SPAG16: variants seen among roughly 807,000 people sequenced by gnomAD.
The protein encoded by SPAG16 is sperm associated antigen 16, also known as sperm-associated antigen 16 protein.
In SPAG16, 86 loss-of-function variants were observed where a neutral mutation model predicts 80.4. The observed-to-expected ratio is 1.07, with a 90% CI of 0.90 to 1.28. SPAG16 has a LOEUF of 1.28. Ranked by LOEUF, SPAG16 falls within the 50% of genes most tolerant of loss-of-function variation. The pLI is 0.00. For synonymous variants in SPAG16, 294 were observed against 265.9 expected, an observed-to-expected ratio of 1.11 and a Z score of -1.03; for missense variants, 870 against 765.3, an observed-to-expected ratio of 1.14 and a Z score of -1.61.
chr2:213,976,109 GATAT>G (rs1553685173), intron 12 of SPAG16, among the ~76,000 whole-genome samples: 2,065 of 121,496 alleles, frequency 0.017, 87 homozygotes, highest in African/African-American at 0.065. Context: ...CAGTGAGGGA[GATAT>G]ATATATATAT....
At chr2:214,370,224 A>T (rs1007561425) in intron 15 of SPAG16, among the ~76,000 whole-genome samples, 1 of 152,102 alleles carries the variant, frequency 6.6e-6, no homozygotes, top group African/African-American at 2.4e-5. Flanking sequence ...TATTAAACTG[A>T]CATTATGTAA....
At chr2:214,109,685 A>T (rs1250253620) in intron 14 of SPAG16, among the ~76,000 whole-genome samples, 3 of 152,220 alleles carry the variant, frequency 2.0e-5, no homozygotes, top group African/African-American at 7.2e-5. Flanking sequence ...AACCAAAATT[A>T]CATTTTAATA....
At chr2:213,852,342 T>C (rs1018260918) in intron 10 of SPAG16, among the ~76,000 whole-genome samples, 2 of 152,240 alleles carry the variant, frequency 1.3e-5, no homozygotes, top group African/African-American at 4.8e-5. Flanking sequence ...GATATCTTTT[T>C]AAAATATATT....
At chr2:213,423,593 T>G (rs2069731082) in intron 9 of SPAG16, among the ~76,000 whole-genome samples, 1 of 152,192 alleles carries the variant, frequency 6.6e-6, no homozygotes, top group Non-Finnish European at 1.5e-5. Context: ...TCTTACTGTT[T>G]CAGACAATTC....
chr2:214,245,588 G>A (rs556180106), intron 15 of SPAG16, among the ~76,000 whole-genome samples: 43 of 152,136 alleles, frequency 2.8e-4, no homozygotes, highest in Non-Finnish European at 1.3e-4. Context: ...AAACTATTTT[G>A]TATTTTAAAA....
chr2:213,962,076 G>A (rs1249434410), intron 12 of SPAG16, among the ~76,000 whole-genome samples: 1 of 151,996 alleles, frequency 6.6e-6, no homozygotes, highest in African/African-American at 2.4e-5. Context: ...TCCCCTCAAA[G>A]TTCATGTGTT....
In SPAG16 at chr2:213,766,750, G is replaced by A. The variant is rs150091939; in HGVS notation, c.1071-95735G>A. Among the ~76,000 whole-genome samples the A allele has an allele frequency of 3.3e-4, 51 of 152,276 alleles. 1 individual carries two copies. In the East Asian group the frequency reaches 8.1e-3, roughly 24 times the overall value. On this transcript the variant is annotated intron_variant, in intron 10 of 15. Coordinates refer to ENST00000331683, the MANE Select transcript of SPAG16 (RefSeq NM_024532.5). ...AGTCAGAGTGGTGAAAAGTGTCTTC[G>A]AGATGTGCCACACTTCACAGTGAGG... is the stretch of plus-strand genomic sequence containing the variant.
intron 10 of SPAG16, among the ~76,000 whole-genome samples, chr2:213,646,805 C>T (rs980051090): frequency 9.9e-5 from 15 of 152,272 alleles, no homozygotes; most frequent in African/African-American, 3.4e-4. Flanking sequence ...ACAGCAGGTT[C>T]ACAGCAGCTC....
At chr2:213,725,070 C>G (rs538420543) in intron 10 of SPAG16, among the ~76,000 whole-genome samples, 42 of 151,760 alleles carry the variant, frequency 2.8e-4, no homozygotes, top group African/African-American at 9.9e-4. Flanking sequence ...CTGGCTCTGT[C>G]GCCCAGGCTG....
chr2:213,701,173 G>C (rs536505402), intron 10 of SPAG16, among the ~76,000 whole-genome samples: 1 of 152,288 alleles, frequency 6.6e-6, no homozygotes, highest in East Asian at 1.9e-4. Context: ...CCAAGAGGCA[G>C]AGGCTGCAGT....
chr2:213,361,364 A>G (rs867566857), intron 7 of SPAG16, among the ~76,000 whole-genome samples: 4 of 148,782 alleles, frequency 2.7e-5, no homozygotes, highest in Non-Finnish European at 4.5e-5. Context: ...ATATGTATGT[A>G]TGTGTGTGTG....
At chr2:213,971,992 G>A (rs1363393804) in intron 12 of SPAG16, among the ~76,000 whole-genome samples, 2 of 151,278 alleles carry the variant, frequency 1.3e-5, no homozygotes, top group Non-Finnish European at 2.9e-5. Flanking sequence ...TATTTATGGG[G>A]CATATAAGAT....
At chr2:213,976,300 A>G (rs1003086436) in intron 12 of SPAG16, among the ~76,000 whole-genome samples, 3 of 151,170 alleles carry the variant, frequency 2.0e-5, no homozygotes, top group African/African-American at 4.9e-5. Flanking sequence ...ACATATGCAT[A>G]CACATGTGTG....
intron 15 of SPAG16, among the ~76,000 whole-genome samples, chr2:214,202,710 G>C (rs2058043202): frequency 6.6e-6 from 1 of 152,256 alleles, no homozygotes; most frequent in South Asian, 2.1e-4. Flanking sequence ...AGTTGGGTTT[G>C]AGCTAATCTG....
Position 213,297,330 on chromosome 2 carries a change from AG to A in SPAG16, c.253del (p.Glu85AsnfsTer24). ...DLAKAIQMAQ[E>X]QATDTEILER... ...TGGCAAAAGCAATTCAGATGGCCCA[AG>A]AACAGGCTACAGATACTGAAATTTT... On this transcript the variant is annotated frameshift_variant, in exon 3 of 16. Transcript: ENST00000331683. LOFTEE classifies it high-confidence loss of function. 1 of 1,612,454 alleles carries A rather than the reference AG, an allele frequency of 6.2e-7. No homozygotes were observed. The highest frequency in any genetic ancestry group is 8.5e-7 in the Non-Finnish European group (1 of 1,178,912).
chr2:213,372,385 A>G (rs571003695), intron 8 of SPAG16, among the ~76,000 whole-genome samples: 1 of 152,254 alleles, frequency 6.6e-6, no homozygotes, highest in African/African-American at 2.4e-5. Context: ...TCAGAGCTTT[A>G]AAGAGGAAAT....
At chr2:214,350,812 C>A (rs1698350922) in intron 15 of SPAG16, among the ~76,000 whole-genome samples, 2 of 152,006 alleles carry the variant, frequency 1.3e-5, no homozygotes, top group Admixed American at 1.3e-4. Flanking sequence ...AAGGCAATAC[C>A]AGGTGAATGG....
At chr2:213,800,319 C>CCTCCCTCCCTCCCTCT (rs1278079474) in intron 10 of SPAG16, among the ~76,000 whole-genome samples, 5 of 128,736 alleles carry the variant, frequency 3.9e-5, no homozygotes, top group African/African-American at 1.5e-4. Flanking sequence ...TCCTTCCCTC[C>CCTCCCTCCCTCCCTCT]CTCCCTCCCT....
chr2:213,412,104 C>T (rs1351066689), intron 9 of SPAG16, among the ~76,000 whole-genome samples: 1 of 152,114 alleles, frequency 6.6e-6, no homozygotes, highest in Non-Finnish European at 1.5e-5. Flanking sequence ...TTCTGATCAC[C>T]TACTCCACCC....
Sources: gnomAD v4.1 joint callset for allele counts (sites outside exome capture counted in the v4.1 genomes callset) on GRCh38, gnomAD v4.1.1 for gene constraint, MANE v1.5 for transcripts, NCBI Gene and HGNC (gene_info 2026-07-23, HGNC 2026-07-21) for gene names.